The following ACTL6A variants were observed in gnomAD, a reference collection of about 807,000 sequenced individuals.
ACTL6A encodes actin like 6A.
A neutral mutation model predicts 59.2 loss-of-function variants in ACTL6A; 5 were observed. That is an observed-to-expected ratio of 0.08 (90% CI 0.04 to 0.18). The LOEUF (loss-of-function observed/expected upper bound fraction) is 0.18, where lower values mean the gene tolerates loss of function less well. ACTL6A is among the 10% of genes least tolerant of loss of function. The pLI, the probability that ACTL6A is intolerant of heterozygous loss-of-function variation, is 1.00. For missense variants in ACTL6A, 285 were observed against 526.9 expected (o/e 0.54, Z 4.49); for synonymous variants, 154 against 171.8 (o/e 0.90, Z 0.81).
chr3:179,566,046 A>G (rs1717825167), intron 1 of ACTL6A, among the ~76,000 whole-genome samples: 1 of 152,198 alleles, frequency 6.6e-6, no homozygotes, highest in South Asian at 2.1e-4. Flanking sequence ...CAGAACTTGA[A>G]AGATGGAGGT....
intron 8 of ACTL6A, 143 bp from the exon 9 acceptor site, chr3:179,580,497 G>A (rs370421906): frequency 5.2e-6 from 3 of 578,008 alleles, no homozygotes; most frequent in African/African-American, 3.9e-5. Flanking sequence ...TCCTTGTTAG[G>A]TACATTTATA....
Position 179,570,537 on chromosome 3 carries a change from GGTA to G in ACTL6A, c.277+297_277+299del, listed in dbSNP as rs1470116205. The G allele has an allele frequency of 4.7e-6, 1 of 211,410 alleles. No homozygotes were observed. The highest frequency in any genetic ancestry group is 9.4e-6 in the Non-Finnish European group (1 of 106,346). 13.1% of individuals were successfully genotyped at this position (211,410 alleles called of 1,614,324 possible). ...ATGAGCAATGGGATTAGAGAGGAGA[GGTA>G]TTTGACTCTAGTGTTGGGAGTCAGT... On this transcript the variant is annotated intron_variant, in intron 3 of 13. Transcript: ENST00000429709. The surrounding 1 kb of genome is among the most constrained non-coding windows in gnomAD (Gnocchi z 4.3).
At chr3:179,586,358 C>G in intron 12 of ACTL6A, 188 bp from the exon 13 acceptor site, 1 of 440,000 alleles carries the variant, frequency 2.3e-6, no homozygotes, top group Non-Finnish European at 3.9e-6. Context: ...GTGCAAGTGG[C>G]TCATGCATGT....
intron 1 of ACTL6A, among the ~76,000 whole-genome samples, chr3:179,569,166 T>C (rs7650126): frequency 0.022 from 3,410 of 152,306 alleles, 134 homozygotes; most frequent in African/African-American, 0.079. Context: ...TTCATTCACC[T>C]CAGGGTAATC....
Position 179,570,262 on chromosome 3 carries a change from A to T in ACTL6A, c.277+21A>T. 6 of 1,601,170 alleles carry T rather than the reference A, an allele frequency of 3.7e-6. No individual in the cohort carries two copies. Among genetic ancestry groups the T allele is most frequent in the Non-Finnish European group, 5.1e-6 (6 of 1,172,096 alleles). ...GATGGGTATGATGTTTTCCCCATGG[A>T]ATTGATTATGGAGTGTACATGTTAT... On this transcript the variant is annotated intron_variant, in intron 3 of 13. Coordinates refer to ENST00000429709, the MANE Select transcript of ACTL6A (RefSeq NM_004301.5). This position sits in a 1 kb window ranked among gnomAD's most constrained non-coding sequence, Gnocchi z 4.3.
At chr3:179,583,594 T>C (rs994402091) in intron 12 of ACTL6A, 146 bp downstream of exon 12, 1 of 558,758 alleles carries the variant, frequency 1.8e-6, no homozygotes, top group Non-Finnish European at 3.1e-6. Flanking sequence ...TAATATCCTT[T>C]AATCGTTTTC....
At chr3:179,576,508 T>G (rs1576853851) in intron 6 of ACTL6A, 112 bp from the exon 7 acceptor site, 3 of 888,816 alleles carry the variant, frequency 3.4e-6, no homozygotes, top group Middle Eastern at 4.6e-4. Flanking sequence ...TGAAGGATAG[T>G]TCAGTTCATT....
Position 179,564,004 on chromosome 3 carries a change from C to T in ACTL6A, c.25+887C>T, listed in dbSNP as rs143901386. ...ATAATTCCTAGCCGATGGGGGTGGG[C>T]ATGAAGGTTAAATGAAATAATGCTG... is the stretch of plus-strand genomic sequence containing the variant. On this transcript the variant is annotated intron_variant, in intron 1 of 13. Coordinates refer to ENST00000429709, the MANE Select transcript of ACTL6A (RefSeq NM_004301.5). Among the ~76,000 whole-genome samples, 184 of 152,220 alleles carry T rather than the reference C, an allele frequency of 1.2e-3. 1 individual carries two copies. The highest frequency in any genetic ancestry group is 3.7e-3 in the African/African-American group (154 of 41,522).
chr3:179,565,908 CAA>C (rs1560008925), intron 1 of ACTL6A, among the ~76,000 whole-genome samples: 2 of 152,012 alleles, frequency 1.3e-5, no homozygotes, highest in Non-Finnish European at 2.9e-5. Flanking sequence ...ATTGAAGAGG[CAA>C]AGAGGTGGAG....
chr3:179,587,885 G>T (rs778607378), intron 13 of ACTL6A, 45 bp from the exon 14 acceptor site: 1 of 1,530,780 alleles, frequency 6.5e-7, no homozygotes, highest in Non-Finnish European at 8.8e-7. Context: ...GCCATTTCTA[G>T]TAAGAAGTAA....
rs919843540 is a variant in ACTL6A, at chr3:179,576,968, T to TA, written c.768+62dup. The stretch of plus-strand genomic sequence containing the variant: ...TGTTACAGGCTTTTTGCATGAGTAT[T>TA]AAAAAAAGTTATATATAGGCTGTAA... On this transcript the variant is annotated intron_variant, in intron 8 of 13. Coordinates refer to ENST00000429709, the MANE Select transcript of ACTL6A (RefSeq NM_004301.5). The TA allele has an allele frequency of 1.5e-4, 217 of 1,435,162 alleles. No individual in the cohort carries two copies. The Middle Eastern group carries it at 1.6e-3, about 10-fold the overall frequency. The allele number at this position is 1,435,162 out of a possible 1,614,324, so 88.9% of individuals were successfully genotyped here. A position where few individuals can be genotyped will look rare whatever the true frequency, so the allele number is the denominator to read the frequency against.
chr3:179,579,455 T>TATACACACACACAC lies in ACTL6A; in HGVS notation c.769-1184_769-1183insTACACACACACACA, dbSNP rs1553778005. 6.9e-5 allele frequency among the ~76,000 whole-genome samples: 10 copies of TATACACACACACAC among 145,148 alleles called. No homozygotes were observed. In the East Asian group the frequency reaches 1.0e-3, roughly 15 times the overall value. ...TAAAAATTATTTTATTTATATCATA[T>TATACACACACACAC]ACACACACACACACACACACACACA... On this transcript the variant is annotated intron_variant, in intron 8 of 13. Transcript: ENST00000429709.
intron 11 of ACTL6A, among the ~76,000 whole-genome samples, chr3:179,582,968 A>G (rs1219780268): frequency 6.6e-6 from 1 of 152,156 alleles, no homozygotes; most frequent in African/African-American, 2.4e-5. Flanking sequence ...AGTCCCAGCT[A>G]CTTGGGAGCC....
rs915174514 is a variant in ACTL6A at position 179,583,467 on chromosome 3, T to C, written c.1122+19T>C. The C allele has an allele frequency of 9.5e-6, 15 of 1,573,954 alleles. No individual in the cohort carries two copies. In the African/African-American group the frequency reaches 2.0e-4, roughly 21 times the overall value. ...TCCTCCAGTAAGTTCTGTTTGTTCT[T>C]TAATGGTATTCTTCAGTCATATATT... is the stretch of plus-strand genomic sequence containing the variant. On this transcript the variant is annotated intron_variant, in intron 12 of 13. Coordinates refer to ENST00000429709, the MANE Select transcript of ACTL6A (RefSeq NM_004301.5).
chr3:179,573,547 C>A, intron 4 of ACTL6A, 78 bp downstream of exon 4: 1 of 930,898 alleles, frequency 1.1e-6, no homozygotes, highest in South Asian at 1.9e-5. Context: ...GTTTTCTACT[C>A]ATTTGATGAA....
At chr3:179,579,570 T>A (rs1259833107) in intron 8 of ACTL6A, among the ~76,000 whole-genome samples, 1 of 151,968 alleles carries the variant, frequency 6.6e-6, no homozygotes, top group Non-Finnish European at 1.5e-5. Flanking sequence ...AGTGGATCAC[T>A]TGAGGCAAGG....
chr3:179,566,108 T>TA (rs1472239433), intron 1 of ACTL6A, among the ~76,000 whole-genome samples: 1 of 151,126 alleles, frequency 6.6e-6, no homozygotes, highest in East Asian at 1.9e-4. Flanking sequence ...GTCAGCAATG[T>TA]GTTAGGCAAT....
Position 179,563,792 on chromosome 3 carries a change from A to G in ACTL6A, c.25+675A>G, listed in dbSNP as rs915274614. ...GAGCACGTGTAATTTAAGGATGCCC[A>G]GAAAGTTTGCTGGGGGTCCTAGGCG... On this transcript the variant is annotated intron_variant, in intron 1 of 13. Transcript: ENST00000429709. 1.2e-4 allele frequency among the ~76,000 whole-genome samples: 18 copies of G among 152,332 alleles called. 1 individual carries two copies. The highest frequency in any genetic ancestry group is 4.3e-4 in the African/African-American group (18 of 41,574).
chr3:179,580,528 T>C (rs1209315949), intron 8 of ACTL6A, 112 bp from the exon 9 acceptor site: 1 of 717,316 alleles, frequency 1.4e-6, no homozygotes, highest in African/African-American at 1.8e-5. Context: ...GATTTACCCA[T>C]CTAGAAACAT....
Sources: gnomAD v4.1 joint callset for allele counts (sites outside exome capture counted in the v4.1 genomes callset) on GRCh38, gnomAD v4.1.1 for gene constraint, Gnocchi (gnomAD v3.1) non-coding constraint, MANE v1.5 for transcripts, NCBI Gene and HGNC (gene_info 2026-07-23, HGNC 2026-07-21) for gene names.